XKR6: variants seen among roughly 807,000 people sequenced by gnomAD.
XKR6 encodes XK-related protein 6.
Under a neutral mutation model 56.7 loss-of-function variants are expected in XKR6, and 22 were observed. The observed-to-expected ratio is 0.39, with a 90% CI of 0.28 to 0.55. The LOEUF (loss-of-function observed/expected upper bound fraction) is 0.55. Ranked by LOEUF, XKR6 falls within the 20% of genes least tolerant of loss-of-function variation. The pLI, the probability that XKR6 is intolerant of heterozygous loss-of-function variation, is 0.66. For missense variants in XKR6, 852 were observed against 889.0 expected (o/e 0.96, Z 0.53); for synonymous variants, 524 against 387.8 (o/e 1.35, Z -4.13).
At chr8:10,952,018 G>A (rs1440068146) in intron 1 of XKR6, among the ~76,000 whole-genome samples, 1 of 152,108 alleles carries the variant, frequency 6.6e-6, no homozygotes, top group Non-Finnish European at 1.5e-5. Flanking sequence ...GTGGGCCAGT[G>A]GGTAGGGGAG....
At chr8:11,039,273 G>A (rs1396340867) in intron 1 of XKR6, among the ~76,000 whole-genome samples, 1 of 152,210 alleles carries the variant, frequency 6.6e-6, no homozygotes, top group Non-Finnish European at 1.5e-5. Flanking sequence ...GAGGGAGACT[G>A]CAGATCCAAA....
chr8:11,121,970 G>A (rs575613268), intron 1 of XKR6, among the ~76,000 whole-genome samples: 15 of 152,322 alleles, frequency 9.8e-5, no homozygotes, highest in African/African-American at 1.4e-4. Context: ...TCACTCATAG[G>A]TGGGAATTGA....
chr8:11,058,266 C>A (rs766974122), intron 1 of XKR6, among the ~76,000 whole-genome samples: 2 of 151,996 alleles, frequency 1.3e-5, no homozygotes, highest in Non-Finnish European at 2.9e-5. Context: ...GACAGTGTGG[C>A]GATTCCTCAA....
intron 1 of XKR6, among the ~76,000 whole-genome samples, chr8:11,186,999 T>C (rs1175547849): frequency 6.6e-6 from 1 of 152,252 alleles, no homozygotes; most frequent in African/African-American, 2.4e-5. Context: ...ACAGATTGTT[T>C]AGACTGCAGA....
intron 1 of XKR6, among the ~76,000 whole-genome samples, chr8:11,036,940 GCT>G (rs1799160796): frequency 6.6e-6 from 1 of 152,200 alleles, no homozygotes; most frequent in African/African-American, 2.4e-5. Flanking sequence ...GCTCTGGCGA[GCT>G]CTCTCAGTTA....
At chr8:11,052,555 G>C (rs1799577352) in intron 1 of XKR6, among the ~76,000 whole-genome samples, 1 of 152,156 alleles carries the variant, frequency 6.6e-6, no homozygotes, top group South Asian at 2.1e-4. Flanking sequence ...TGTGCTGAGG[G>C]TGGGGGCATC....
At chr8:10,984,695 G>GCTCGCTCTCTCTCTCTCTCT (rs1491394669) in intron 1 of XKR6, among the ~76,000 whole-genome samples, 6 of 56,334 alleles carry the variant, frequency 1.1e-4, no homozygotes, top group South Asian at 7.6e-4. Context: ...AAAATACATG[G>GCTCGCTCTCTCTCTCTCTCT]CTCTCTCTCT....
chr8:11,072,219 C>T (rs1800149948), intron 1 of XKR6, among the ~76,000 whole-genome samples: 1 of 147,476 alleles, frequency 6.8e-6, no homozygotes, highest in South Asian at 2.2e-4. Context: ...GGAGAGACAG[C>T]AGGGCTCCAC....
intron 1 of XKR6, among the ~76,000 whole-genome samples, chr8:11,045,697 C>A (rs1799395180): frequency 1.3e-5 from 2 of 152,128 alleles, no homozygotes; most frequent in South Asian, 4.2e-4. Flanking sequence ...ACAACACCAA[C>A]CACATCAGGT....
At chr8:10,993,001 G>T (rs992708884) in intron 1 of XKR6, among the ~76,000 whole-genome samples, 7 of 152,188 alleles carry the variant, frequency 4.6e-5, no homozygotes, top group African/African-American at 1.4e-4. Context: ...ATGGGTGTCT[G>T]GTCTGTAGCA....
chr8:11,052,537 G>A (rs750463569), intron 1 of XKR6, among the ~76,000 whole-genome samples: 4 of 152,180 alleles, frequency 2.6e-5, no homozygotes, highest in Non-Finnish European at 5.9e-5. Context: ...AGTTGGTGAA[G>A]GGATGGGTGT....
chr8:10,991,580 C>G (rs750125330), intron 1 of XKR6, among the ~76,000 whole-genome samples: 46 of 152,252 alleles, frequency 3.0e-4, no homozygotes, highest in Non-Finnish European at 3.8e-4. Context: ...CAGCTCAAAT[C>G]AATATAAAAG....
chr8:11,105,586 C>T (rs1186725002), intron 1 of XKR6: 1 of 152,256 alleles, frequency 6.6e-6, no homozygotes, highest in Non-Finnish European at 1.5e-5. Flanking sequence ...AGTTGCAGAA[C>T]ACTGATTTAG....
chr8:10,899,124 A>G (rs1799967264), intron 2 of XKR6, among the ~76,000 whole-genome samples: 1 of 152,226 alleles, frequency 6.6e-6, no homozygotes. Flanking sequence ...CAACAACCCC[A>G]TTTGCCATTT....
At position 10,896,776 on chromosome 8, in the gene XKR6, T is replaced by TA. The variant is rs1253071992; in HGVS notation, c.*1175dup. On this transcript the variant is annotated 3_prime_UTR_variant, in exon 3 of 3. Transcript: ENST00000416569. ...TTCCTCTTTGTGTTATTTTTTTTTT[T>TA]AAAAAAGCACAAATGAAAAATGAAG... The TA allele has an allele frequency of 2.7e-5, 4 of 146,890 alleles. No individual in the cohort carries two copies. The highest frequency in any genetic ancestry group is 4.5e-5 in the Non-Finnish European group (3 of 66,256). 9.1% of individuals were successfully genotyped at this position (146,890 alleles called of 1,614,324 possible).
At chr8:11,160,444 GA>G (rs1801739976) in intron 1 of XKR6, among the ~76,000 whole-genome samples, 1 of 152,062 alleles carries the variant, frequency 6.6e-6, no homozygotes, top group African/African-American at 2.4e-5. Context: ...AAGAGACAGT[GA>G]AATATTTAGA....
chr8:10,913,973 G>T (rs183641109), intron 2 of XKR6, among the ~76,000 whole-genome samples: 2 of 152,318 alleles, frequency 1.3e-5, no homozygotes, highest in African/African-American at 2.4e-5. Context: ...GGTGCAAGAG[G>T]CTGGGAATGC....
intron 1 of XKR6, among the ~76,000 whole-genome samples, chr8:11,000,503 T>C (rs1489031424): frequency 6.6e-6 from 1 of 152,084 alleles, no homozygotes; most frequent in Non-Finnish European, 1.5e-5. Context: ...CTAGCCAGCA[T>C]GGTGAAACCC....
intron 1 of XKR6, among the ~76,000 whole-genome samples, chr8:11,094,345 T>A (rs1344282771): frequency 6.6e-6 from 1 of 152,154 alleles, no homozygotes; most frequent in Non-Finnish European, 1.5e-5. Flanking sequence ...TGCACCACCA[T>A]GCCCAGCTAA....
Sources: gnomAD v4.1 joint callset for allele counts (sites outside exome capture counted in the v4.1 genomes callset) on GRCh38, gnomAD v4.1.1 for gene constraint, MANE v1.5 for transcripts, NCBI Gene and HGNC (gene_info 2026-07-23, HGNC 2026-07-21) for gene names.